Variants in IPO11 observed in about 807,000 individuals in gnomAD.
IPO11 encodes the protein importin 11, also known as importin-11.
IPO11 carries 66 observed loss-of-function variants against 143.2 expected under a neutral mutation model. The ratio of observed to expected loss-of-function variants is 0.46; its 90% confidence interval spans 0.38 to 0.57. The LOEUF (loss-of-function observed/expected upper bound fraction) is 0.57, where lower values mean the gene tolerates loss of function less well. Among genes scored for constraint, IPO11 ranks in the 20% least tolerant of loss-of-function variants. The pLI is 0.00. For missense variants in IPO11, 1,026 were observed against 1,141.0 expected (o/e 0.90, Z 1.45); for synonymous variants, 385 against 377.8 (o/e 1.02, Z -0.22).
At chr5:62,426,931 G>GTT (rs763031944) in intron 1 of IPO11, among the ~76,000 whole-genome samples, 19,911 of 90,142 alleles carry the variant, frequency 0.22, 2,855 homozygotes, top group East Asian at 0.36. Context: ...TTTTCTTTCT[G>GTT]TTTTTTTTTT....
In IPO11 at chr5:62,564,280, G is replaced by A. The variant is rs183432068; in HGVS notation, c.2582+3023G>A. ...TTATAGTCACATACTGTAGTGGAAC[G>A]TGCTGATATTCAAGTCAGCAGTTTT... On this transcript the variant is annotated intron_variant, in intron 27 of 29. Coordinates refer to ENST00000325324, the MANE Select transcript of IPO11 (RefSeq NM_016338.5). Among the ~76,000 whole-genome samples the A allele has an allele frequency of 3.9e-5, 6 of 152,130 alleles. No homozygotes were observed. The South Asian group carries it at 1.2e-3, about 32-fold the overall frequency.
intron 20 of IPO11, among the ~76,000 whole-genome samples, chr5:62,516,999 C>T (rs1161090737): frequency 1.3e-5 from 2 of 151,594 alleles, no homozygotes; most frequent in East Asian, 2.0e-4. Flanking sequence ...GAGATCAAGA[C>T]CATCCTGGCT....
chr5:62,512,083 CAAG>C (rs1427769249), intron 19 of IPO11, among the ~76,000 whole-genome samples: 1 of 152,212 alleles, frequency 6.6e-6, no homozygotes, highest in Non-Finnish European at 1.5e-5. Flanking sequence ...TGGCTCTACT[CAAG>C]AAGCAAAGCA....
chr5:62,443,132 T>C, intron 3 of IPO11, 49 bp downstream of exon 3: 2 of 1,195,812 alleles, frequency 1.7e-6, no homozygotes, highest in Non-Finnish European at 2.4e-6. Flanking sequence ...CTTCCCAAAT[T>C]CAGGAAGGTG....
chr5:62,571,688 CTTTT>C (rs545817315), intron 27 of IPO11, among the ~76,000 whole-genome samples: 1 of 140,806 alleles, frequency 7.1e-6, no homozygotes, highest in African/African-American at 2.6e-5. Context: ...CATTATTAAA[CTTTT>C]TTTTTTTTTT....
At chr5:62,595,144 T>TG (rs1745169812) in intron 28 of IPO11, among the ~76,000 whole-genome samples, 1 of 152,172 alleles carries the variant, frequency 6.6e-6, no homozygotes, top group Non-Finnish European at 1.5e-5. Flanking sequence ...TCAGAATCTT[T>TG]GGGGGTCACA....
intron 24 of IPO11, among the ~76,000 whole-genome samples, chr5:62,544,975 A>C (rs1354467116): frequency 1.3e-5 from 2 of 152,218 alleles, no homozygotes; most frequent in Non-Finnish European, 2.9e-5. Context: ...AGAACATTCC[A>C]TGCTCATGGA....
intron 19 of IPO11, among the ~76,000 whole-genome samples, chr5:62,514,045 C>G (rs377440625): frequency 0.011 from 1,540 of 146,564 alleles, no homozygotes; most frequent in East Asian, 0.062. Context: ...GGGGCCGGGA[C>G]GAGGCGCTCC....
chr5:62,551,133 T>C, intron 25 of IPO11, 90 bp from the exon 26 acceptor site: 1 of 678,376 alleles, frequency 1.5e-6, no homozygotes, highest in Non-Finnish European at 2.6e-6. Context: ...AGAATGTTAT[T>C]TTATATCCCT....
At chr5:62,492,614 G>GC (rs1195064311) in intron 15 of IPO11, among the ~76,000 whole-genome samples, 1 of 152,054 alleles carries the variant, frequency 6.6e-6, no homozygotes. Context: ...CATGATGTTG[G>GC]CCCACTGCAA....
chr5:62,480,219 T>C (rs544632367), intron 9 of IPO11, among the ~76,000 whole-genome samples: 2 of 152,354 alleles, frequency 1.3e-5, no homozygotes, highest in Non-Finnish European at 2.9e-5. Flanking sequence ...TTCTTGTTTT[T>C]GTCAGGTTTG....
chr5:62,527,629 G>A (rs1742410959), intron 21 of IPO11, among the ~76,000 whole-genome samples: 2 of 152,262 alleles, frequency 1.3e-5, no homozygotes, highest in South Asian at 4.1e-4. Context: ...ATATATTAAT[G>A]TGTTATTAAA....
intron 22 of IPO11, among the ~76,000 whole-genome samples, chr5:62,531,894 T>TA (rs1580291912): frequency 6.6e-6 from 1 of 152,278 alleles, no homozygotes; most frequent in East Asian, 1.9e-4. Flanking sequence ...AGGAAAAACT[T>TA]ACCAAAGATG....
intron 22 of IPO11, among the ~76,000 whole-genome samples, chr5:62,533,440 G>A (rs1201935899): frequency 6.6e-6 from 1 of 151,960 alleles, no homozygotes; most frequent in African/African-American, 2.4e-5. Context: ...TTGAACTCCC[G>A]ACCTCAGGTG....
At position 62,530,737 on chromosome 5, in the gene IPO11, A is replaced by G. The variant is rs1484293628; in HGVS notation, c.2041A>G (p.Ile681Val). ...WLVTLENSPC[I>V]TPELLRIFQN... ...AGTAACTTTGGAAAACAGTCCATGT[A>G]TTACACCAGAGTTGCTTCGTATATT... Residue 681 changes from isoleucine to valine, a missense_variant, in exon 22 of 30, where the codon ATT (isoleucine) becomes GTT (valine). By Grantham distance (29) the Ile-to-Val change is conservative. Around this residue, in one of 5 missense-constraint regions of IPO11, gnomAD observed 351 missense variants for 358.9 expected, o/e 0.98. Transcript: ENST00000325324. The G allele has an allele frequency of 5.6e-6, 9 of 1,613,132 alleles. No homozygotes were observed. The highest frequency in any genetic ancestry group is 3.3e-5 in the Admixed American group (2 of 59,992).
chr5:62,588,376 C>A (rs937515554), intron 27 of IPO11, among the ~76,000 whole-genome samples: 2 of 151,988 alleles, frequency 1.3e-5, no homozygotes, highest in Non-Finnish European at 2.9e-5. Context: ...GGACTACAGG[C>A]GTGCACCACT....
At chr5:62,506,204 T>G in intron 18 of IPO11, 37 bp from the exon 19 acceptor site, 1 of 1,180,916 alleles carries the variant, frequency 8.5e-7, no homozygotes, top group Non-Finnish European at 1.2e-6. Context: ...TCATTTCTAT[T>G]ATAAACCTTT....
At chr5:62,596,759 C>G (rs1208506908) in intron 28 of IPO11, among the ~76,000 whole-genome samples, 1 of 151,890 alleles carries the variant, frequency 6.6e-6, no homozygotes, top group Non-Finnish European at 1.5e-5. Context: ...CTTCAGTTTT[C>G]CCCCTCTGAT....
chr5:62,461,181 A>G (rs1745345303), intron 5 of IPO11, among the ~76,000 whole-genome samples: 2 of 152,154 alleles, frequency 1.3e-5, no homozygotes, highest in Admixed American at 6.6e-5. Context: ...TCTGAATACA[A>G]GGAAAAGTGG....
Sources: allele counts gnomAD v4.1 joint callset (sites outside exome capture counted in the v4.1 genomes callset), GRCh38; gene constraint gnomAD v4.1.1; regional missense constraint gnomAD v4.1.1; transcripts MANE v1.5; gene names NCBI Gene and HGNC (gene_info 2026-07-23, HGNC 2026-07-21).